COL6A2: variants seen among roughly 807,000 people sequenced by gnomAD.
The protein encoded by COL6A2 is collagen alpha-2(VI) chain.
Under a neutral mutation model 124.9 loss-of-function variants are expected in COL6A2, and 90 were observed. That is an observed-to-expected ratio of 0.72 (90% confidence interval 0.61 to 0.86). The LOEUF (loss-of-function observed/expected upper bound fraction) is 0.86, where lower values mean the gene tolerates loss of function less well. COL6A2 is among the 40% of genes least tolerant of loss of function. The pLI, the probability that COL6A2 is intolerant of heterozygous loss-of-function variation, is 0.00. For synonymous variants in COL6A2, 793 were observed against 618.2 expected (o/e 1.28, Z -4.19); for missense variants, 1,607 against 1,502.5 (o/e 1.07, Z -1.15).
rs761328222 is a variant in COL6A2, at chr21:46,111,449, G to A, written c.-27-1G>A. ...CTGAGCGACCCCCACCCCTGTTGCA[G>A]GACTTCAGGGCCACAGGTGCTGCCA... is the stretch of plus-strand genomic sequence containing the variant. On this transcript the variant is annotated splice_acceptor_variant, in intron 1 of 27. Transcript: ENST00000300527. LOFTEE classifies it low-confidence loss of function (5UTR_SPLICE). 4.4e-6 allele frequency: 7 copies of A among 1,573,828 alleles called. No homozygotes were observed. The Admixed American group carries it at 1.0e-4, about 23-fold the overall frequency.
Position 46,109,823 on chromosome 21 carries a change from G to T in COL6A2, c.-27-1627G>T, listed in dbSNP as rs139268232. Among the ~76,000 whole-genome samples the T allele has an allele frequency of 2.5e-3, 379 of 152,288 alleles. 5 individuals carry two copies. The highest frequency in any genetic ancestry group is 0.023 in the South Asian group (113 of 4,828). On this transcript the variant is annotated intron_variant, in intron 1 of 27. Transcript: ENST00000300527. ...CTCCAGGCCTACAAGGGAAAGAGGG[G>T]CCTTCCCTGGCTCCCCAAGAGTGCA...
intron 1 of COL6A2, among the ~76,000 whole-genome samples, chr21:46,105,397 A>G (rs1230755917): frequency 6.6e-6 from 1 of 152,154 alleles, no homozygotes; most frequent in African/African-American, 2.4e-5. Flanking sequence ...AAATAAATAA[A>G]TAAATAAATA....
rs773006600 is a variant in COL6A2, at chr21:46,122,484, T to G, written c.1573-12T>G. On this transcript the variant is annotated splice_polypyrimidine_tract_variant and intron_variant, in intron 19 of 27. Transcript: ENST00000300527. Reference sequence around the variant, plus strand: ...TGAGGCTGAGTCACCCTGGCTTCTGTTTGCTTCACAGGGAGAAAAAGGCGA... The same window carrying G: ...TGAGGCTGAGTCACCCTGGCTTCTGGTTGCTTCACAGGGAGAAAAAGGCGA... 6.2e-7 allele frequency: 1 copy of G among 1,612,700 alleles called. No homozygotes were observed. The highest frequency in any genetic ancestry group is 1.7e-5 in the Admixed American group (1 of 60,002).
rs2078559441 is a variant in COL6A2, at chr21:46,121,110, A to G, written c.1445A>G (p.Glu482Gly). 2 of 1,612,584 alleles carry G rather than the reference A, an allele frequency of 1.2e-6. No homozygotes were observed. The highest frequency in any genetic ancestry group is 1.1e-5 in the South Asian group (1 of 91,080). The change falls in exon 17 of 28, where the codon GAG becomes GGG. Residue 482 changes from glutamate to glycine, a missense_variant. Glu to Gly is a moderately conservative substitution (Grantham distance 98). Coordinates refer to ENST00000300527, the MANE Select transcript of COL6A2 (RefSeq NM_001849.4). ...GPRGPQGALGEPGKQGSRGDP... is the reference protein window; with the variant it reads ...GPRGPQGALGGPGKQGSRGDP... The stretch of plus-strand genomic sequence containing the variant: ...AGAGGCCCCCAGGGAGCTCTTGGGG[A>G]GCCCGGAAAGCAGGTCAGTGTCAGT...
chr21:46,119,919 C>A, intron 15 of COL6A2, 69 bp downstream of exon 15: 2 of 1,344,698 alleles, frequency 1.5e-6, no homozygotes, highest in Non-Finnish European at 2.1e-6. Context: ...ACGAGGGCCC[C>A]AACCCCATTC....
chr21:46,118,783 C>T, intron 13 of COL6A2, 107 bp downstream of exon 13: 1 of 1,344,694 alleles, frequency 7.4e-7, no homozygotes, highest in Non-Finnish European at 1.0e-6. Context: ...CATGGTGCCG[C>T]ATTGGGCTCT....
rs745891708 is a variant in COL6A2, at chr21:46,124,750, C to A, written c.1734+37C>A. 2.5e-6 allele frequency: 4 copies of A among 1,606,948 alleles called. No homozygotes were observed. In the South Asian group the frequency reaches 4.4e-5, roughly 18 times the overall value. ...GCCAGTCCCCATGCCCTCCCCCCAACCTGCCAGGCCAACACACACCCAAGC... is the reference window on the plus strand; with the variant it reads ...GCCAGTCCCCATGCCCTCCCCCCAAACTGCCAGGCCAACACACACCCAAGC... On this transcript the variant is annotated intron_variant, in intron 22 of 27. Coordinates refer to ENST00000300527, the MANE Select transcript of COL6A2 (RefSeq NM_001849.4).
intron 11 of COL6A2, 43 bp downstream of exon 11, chr21:46,117,496 G>C (rs759351708): frequency 3.1e-6 from 5 of 1,599,388 alleles, no homozygotes; most frequent in African/African-American, 1.3e-5. Context: ...GGCCCAGGGG[G>C]TGTGGGTGCC....
Position 46,116,959 on chromosome 21 carries a change from A to C in COL6A2, c.999+145A>C. 2.5e-6 allele frequency: 2 copies of C among 796,744 alleles called. No individual in the cohort carries two copies. Among genetic ancestry groups the C allele is most frequent in the South Asian group, 3.4e-5 (2 of 59,048 alleles). 49.4% of individuals were successfully genotyped at this position (796,744 alleles called of 1,614,324 possible). Reference sequence around the variant, plus strand: ...CACACACACACACACACACACACGAACTTCAGCTCCTGCCACATCCCACTG... The same window carrying C: ...CACACACACACACACACACACACGACCTTCAGCTCCTGCCACATCCCACTG... On this transcript the variant is annotated intron_variant, in intron 10 of 27. Transcript: ENST00000300527. This position sits in a 1 kb window ranked among gnomAD's most constrained non-coding sequence, Gnocchi z 4.6.
At chr21:46,111,315 C>T (rs1272648706) in intron 1 of COL6A2, 135 bp from the exon 2 acceptor site, 6 of 614,036 alleles carry the variant, frequency 9.8e-6, no homozygotes, top group South Asian at 3.6e-5. Flanking sequence ...GTGTGCTGGG[C>T]GCAGACCCCG....
rs1002771567 is a variant in COL6A2, at chr21:46,099,780, A to G, written c.-28+1607A>G. On this transcript the variant is annotated intron_variant, in intron 1 of 27. Coordinates refer to ENST00000300527, the MANE Select transcript of COL6A2 (RefSeq NM_001849.4). ...AGGGGTGGTGGGAATCCCAGCTCAC[A>G]GGGCGCCTGCTCTTAGAAGGGCGGC... 2.9e-4 allele frequency among the ~76,000 whole-genome samples: 44 copies of G among 151,648 alleles called. 1 individual carries two copies. Among genetic ancestry groups the G allele is most frequent in the African/African-American group, 5.6e-4 (23 of 41,400 alleles).
In COL6A2 at chr21:46,119,858, C is replaced by G. The variant is rs1156808448; in HGVS notation, c.1332+8C>G. The G allele has an allele frequency of 3.9e-6, 6 of 1,556,412 alleles. No individual in the cohort carries two copies. The highest frequency in any genetic ancestry group is 1.4e-5 in the African/African-American group (1 of 73,808). On this transcript the variant is annotated splice_region_variant and intron_variant, in intron 15 of 27. Transcript: ENST00000300527. Reference sequence around the variant, plus strand: ...GGCCCCAAGGGGGAGAAGGTGAGTCCTCGTGTGGAGGCAGCCCAGGGTCTC... The same window carrying G: ...GGCCCCAAGGGGGAGAAGGTGAGTCGTCGTGTGGAGGCAGCCCAGGGTCTC...
At chr21:46,100,774 C>T (rs2078280337) in intron 1 of COL6A2, among the ~76,000 whole-genome samples, 1 of 152,220 alleles carries the variant, frequency 6.6e-6, no homozygotes, top group Admixed American at 6.5e-5. Context: ...TGCATGCATG[C>T]CCTGCATTTT....
chr21:46,129,697 G>GTCTC, intron 27 of COL6A2: 1 of 1,415,212 alleles, frequency 7.1e-7, no homozygotes, highest in Non-Finnish European at 9.2e-7. Context: ...GCATCTTCCA[G>GTCTC]TCTCTCCTCC....
At chr21:46,100,408 C>T (rs1460289826) in intron 1 of COL6A2, among the ~76,000 whole-genome samples, 2 of 151,940 alleles carry the variant, frequency 1.3e-5, no homozygotes, top group African/African-American at 4.8e-5. Context: ...TTGTGGTATA[C>T]AATATAAAAT....
At chr21:46,126,375 G>A (rs989827898) in intron 26 of COL6A2, 128 bp from the exon 27 acceptor site, 1 of 1,513,338 alleles carries the variant, frequency 6.6e-7, no homozygotes, top group Non-Finnish European at 9.2e-7. Flanking sequence ...GAAGGGGTCG[G>A]GCCCTCTCGG....
At position 46,122,167 on chromosome 21, in the gene COL6A2, C is replaced by G. The variant is rs1338289583; in HGVS notation, c.1572+9C>G. On this transcript the variant is annotated intron_variant, in intron 19 of 27. Coordinates refer to ENST00000300527, the MANE Select transcript of COL6A2 (RefSeq NM_001849.4). The stretch of plus-strand genomic sequence containing the variant: ...GACCCCGAGGAGCACCCGTGAGTCA[C>G]AGCCTGGGATGGCAGCTCCCAGGAG... 3 of 1,612,386 alleles carry G rather than the reference C, an allele frequency of 1.9e-6. No individual in the cohort carries two copies. The East Asian group carries it at 6.7e-5, about 36-fold the overall frequency.
chr21:46,119,157 G>T lies in COL6A2; in HGVS notation c.1269+38G>T, dbSNP rs758830544. 6 of 1,494,854 alleles carry T rather than the reference G, an allele frequency of 4.0e-6. No individual in the cohort carries two copies. In the African/African-American group the frequency reaches 8.3e-5, roughly 21 times the overall value. 92.6% of individuals were successfully genotyped at this position (1,494,854 alleles called of 1,614,324 possible). A position where few individuals can be genotyped will look rare whatever the true frequency, so the allele number is the denominator to read the frequency against. On this transcript the variant is annotated intron_variant, in intron 14 of 27. Transcript: ENST00000300527. ...TGCCCCTGCCTCAGGGCCCCGCTCT[G>T]GGCATCCTCCTTGCAGCTTGAGGAG...
rs147649367 is a variant in COL6A2 at position 46,116,885 on chromosome 21, A to T, written c.999+71A>T. 0.021 allele frequency: 31,985 copies of T among 1,495,026 alleles called. 365 individuals carry two copies. Among genetic ancestry groups the T allele is most frequent in the Non-Finnish European group, 0.025 (27,049 of 1,074,956 alleles). The allele number at this position is 1,495,026 out of a possible 1,614,324, so 92.6% of individuals were successfully genotyped here. On this transcript the variant is annotated intron_variant, in intron 10 of 27. Coordinates refer to ENST00000300527, the MANE Select transcript of COL6A2 (RefSeq NM_001849.4). This position sits in a 1 kb window ranked among gnomAD's most constrained non-coding sequence, Gnocchi z 4.6. The stretch of plus-strand genomic sequence containing the variant: ...ATCCCAGCCTCTGCAGGGCCCCCAG[A>T]TCCAGCCTGATCTGTCAGCTTACAC...
Sources: allele counts gnomAD v4.1 joint callset (sites outside exome capture counted in the v4.1 genomes callset), GRCh38; gene constraint gnomAD v4.1.1; non-coding constraint Gnocchi (gnomAD v3.1); transcripts MANE v1.5; gene names NCBI Gene and HGNC (gene_info 2026-07-23, HGNC 2026-07-21).